Variants in CDK19 observed in about 807,000 individuals in gnomAD.
CDK19 encodes cyclin dependent kinase 19.
CDK19 carries 20 observed loss-of-function variants against 68.3 expected under a neutral mutation model. The ratio of observed to expected loss-of-function variants is 0.29; its 90% CI spans 0.21 to 0.43. The LOEUF is 0.43. CDK19 is among the 20% of genes least tolerant of loss of function. The pLI is 1.00. For synonymous variants in CDK19, 221 were observed against 222.8 expected (o/e 0.99, Z 0.07); for missense variants, 339 against 623.5 (o/e 0.54, Z 4.86).
At chr6:110,796,575 G>C (rs1480213393) in intron 1 of CDK19, among the ~76,000 whole-genome samples, 1 of 152,042 alleles carries the variant, frequency 6.6e-6, no homozygotes, top group Non-Finnish European at 1.5e-5. Flanking sequence ...CTTCAGCCCA[G>C]GAGGCAGAGG....
intron 4 of CDK19, among the ~76,000 whole-genome samples, chr6:110,657,407 A>C (rs567603840): frequency 2.0e-5 from 3 of 152,312 alleles, no homozygotes; most frequent in Admixed American, 1.3e-4. Flanking sequence ...TTATTCTTAT[A>C]AGGTATCTAT....
chr6:110,770,727 A>G (rs1468930447), intron 1 of CDK19, among the ~76,000 whole-genome samples: 1 of 152,194 alleles, frequency 6.6e-6, no homozygotes, highest in East Asian at 1.9e-4. Context: ...CTCATCCAAG[A>G]CAAGGTAAGT....
chr6:110,623,002 A>T (rs1778812086), intron 9 of CDK19, 90 bp from the exon 10 acceptor site: 1 of 853,398 alleles, frequency 1.2e-6, no homozygotes, highest in African/African-American at 1.7e-5. Flanking sequence ...AACAGGATTA[A>T]TATAAAATAC....
intron 1 of CDK19, among the ~76,000 whole-genome samples, chr6:110,759,424 AAAAAATATAT>A (rs1562265062): frequency 3.7e-5 from 4 of 108,014 alleles, no homozygotes; most frequent in African/African-American, 1.3e-4. Flanking sequence ...AAAAAAAAAA[AAAAAATATAT>A]ATATATATAT....
chr6:110,769,652 G>A (rs913261353), intron 1 of CDK19, among the ~76,000 whole-genome samples: 2 of 151,692 alleles, frequency 1.3e-5, no homozygotes, highest in African/African-American at 4.8e-5. Flanking sequence ...TTCTACTCCA[G>A]GTTTTCTGTA....
At chr6:110,645,738 G>A (rs2114820095) in intron 4 of CDK19, 1 of 494,018 alleles carries the variant, frequency 2.0e-6, no homozygotes, top group South Asian at 1.9e-5. Flanking sequence ...CCCTACAGGT[G>A]GTGTCCACGG....
chr6:110,801,579 T>C (rs1476277152), intron 1 of CDK19, among the ~76,000 whole-genome samples: 2 of 152,106 alleles, frequency 1.3e-5, no homozygotes, highest in Admixed American at 1.3e-4. Flanking sequence ...TGGCGTCATC[T>C]CGGCTTACTG....
At chr6:110,668,266 C>T (rs1782070658) in intron 3 of CDK19, among the ~76,000 whole-genome samples, 1 of 152,096 alleles carries the variant, frequency 6.6e-6, no homozygotes, top group Non-Finnish European at 1.5e-5. Flanking sequence ...CTGCCTCTGT[C>T]CAAAACATAA....
chr6:110,784,012 T>C (rs1319048759), intron 1 of CDK19, among the ~76,000 whole-genome samples: 1 of 151,508 alleles, frequency 6.6e-6, no homozygotes, highest in Non-Finnish European at 1.5e-5. Flanking sequence ...ATACAAAAAT[T>C]AGCCGGCATG....
chr6:110,732,507 G>A (rs1408394074), intron 2 of CDK19, among the ~76,000 whole-genome samples: 1 of 152,070 alleles, frequency 6.6e-6, no homozygotes, highest in Non-Finnish European at 1.5e-5. Context: ...CTACACTCCA[G>A]CGTGGGCAAC....
chr6:110,688,244 G>T (rs1772661952), intron 2 of CDK19, among the ~76,000 whole-genome samples: 1 of 151,856 alleles, frequency 6.6e-6, no homozygotes, highest in Non-Finnish European at 1.5e-5. Context: ...AAATTAGCCA[G>T]GCATGAATCA....
rs75104159 is a variant in CDK19, at chr6:110,751,649, C to T, written c.129-5448G>A. 6.6e-4 allele frequency among the ~76,000 whole-genome samples: 100 copies of T among 152,266 alleles called. No homozygotes were observed. In the East Asian group the frequency reaches 0.015, roughly 23 times the overall value. The stretch of plus-strand genomic sequence containing the variant: ...TGGAAAAACTGTCTTCCACGAAACC[C>T]GTCCCTGGTCCCAAAAAGGTTGGAG... On this transcript the variant is annotated intron_variant, in intron 1 of 12. Transcript: ENST00000368911.
chr6:110,696,218 A>T lies in CDK19; in HGVS notation c.205-25677T>A, dbSNP rs1293540499. 2.6e-5 allele frequency among the ~76,000 whole-genome samples: 4 copies of T among 152,242 alleles called. No individual in the cohort carries two copies. The East Asian group carries it at 7.7e-4, about 29-fold the overall frequency. On this transcript the variant is annotated intron_variant, in intron 2 of 12. Coordinates refer to ENST00000368911, the MANE Select transcript of CDK19 (RefSeq NM_015076.5). ...ATATGCAAGCCAATAAATGTGATAC[A>T]TCACATAATCATAGTTAAAAACAAA... is the stretch of plus-strand genomic sequence containing the variant.
At chr6:110,742,718 T>C (rs1777773954) in intron 2 of CDK19, among the ~76,000 whole-genome samples, 1 of 152,172 alleles carries the variant, frequency 6.6e-6, no homozygotes, top group Non-Finnish European at 1.5e-5. Context: ...TCTCCTGCAG[T>C]ACCCTCAGGC....
At chr6:110,768,039 A>C (rs1779715245) in intron 1 of CDK19, among the ~76,000 whole-genome samples, 1 of 152,200 alleles carries the variant, frequency 6.6e-6, no homozygotes, top group Non-Finnish European at 1.5e-5. Flanking sequence ...TCTGAAAAGA[A>C]AATAAAAAGA....
chr6:110,631,990 G>A (rs769617854), intron 6 of CDK19, 40 bp downstream of exon 6: 15 of 1,544,936 alleles, frequency 9.7e-6, no homozygotes, highest in East Asian at 2.2e-5. Context: ...ATTTATGATC[G>A]TTAGATGACA....
chr6:110,776,725 C>T (rs1487575117), intron 1 of CDK19, among the ~76,000 whole-genome samples: 1 of 152,162 alleles, frequency 6.6e-6, no homozygotes, highest in Non-Finnish European at 1.5e-5. Flanking sequence ...AAGTTAAGTG[C>T]ATTTGACATA....
At chr6:110,759,244 C>CA (rs200887987) in intron 1 of CDK19, among the ~76,000 whole-genome samples, 112 of 139,360 alleles carry the variant, frequency 8.0e-4, no homozygotes, top group African/African-American at 1.9e-3. Flanking sequence ...ACTAAAAATA[C>CA]AAAAAAAAAA....
intron 2 of CDK19, among the ~76,000 whole-genome samples, chr6:110,730,515 C>T (rs1776667667): frequency 6.6e-6 from 1 of 152,100 alleles, no homozygotes; most frequent in Non-Finnish European, 1.5e-5. Context: ...ATAAACTGTC[C>T]CATAACATGT....
Sources: allele counts gnomAD v4.1 joint callset (sites outside exome capture counted in the v4.1 genomes callset), GRCh38; gene constraint gnomAD v4.1.1; transcripts MANE v1.5; gene names NCBI Gene and HGNC (gene_info 2026-07-23, HGNC 2026-07-21).